MANBA: variants seen among roughly 807,000 people sequenced by gnomAD.
MANBA encodes the protein mannosidase beta.
Under a neutral mutation model 111.1 loss-of-function variants are expected in MANBA, and 83 were observed. The observed-to-expected ratio is 0.75, with a 90% CI of 0.63 to 0.90. The LOEUF is 0.90. MANBA is among the 40% of genes least tolerant of loss of function. The probability of loss-of-function intolerance (pLI) is 0.00; values close to 1 mark genes in which losing one functional copy is unlikely to be tolerated. For synonymous variants in MANBA, 370 were observed against 378.7 expected (o/e 0.98, Z 0.27); for missense variants, 1,036 against 1,069.0 (o/e 0.97, Z 0.43).
At chr4:102,718,525 T>C (rs1560794687) in intron 4 of MANBA, among the ~76,000 whole-genome samples, 1 of 152,126 alleles carries the variant, frequency 6.6e-6, no homozygotes, top group South Asian at 2.1e-4. Context: ...CGGCCAGAGA[T>C]GTAAACGGAA....
intron 5 of MANBA, among the ~76,000 whole-genome samples, chr4:102,699,368 G>A (rs922831961): frequency 6.6e-6 from 1 of 151,754 alleles, no homozygotes; most frequent in African/African-American, 2.4e-5. Context: ...CTGCCTAATT[G>A]CCCTGGCCAG....
chr4:102,648,348 G>A (rs1435488180), intron 13 of MANBA, among the ~76,000 whole-genome samples: 1 of 152,054 alleles, frequency 6.6e-6, no homozygotes, highest in Non-Finnish European at 1.5e-5. Context: ...AGATGAACCT[G>A]ACGAATGGAT....
At chr4:102,646,756 G>A (rs1730122136) in intron 13 of MANBA, among the ~76,000 whole-genome samples, 1 of 152,034 alleles carries the variant, frequency 6.6e-6, no homozygotes, top group Admixed American at 6.6e-5. Context: ...GGGCTATTGG[G>A]AATACAATAT....
intron 14 of MANBA, 120 bp from the exon 15 acceptor site, chr4:102,636,127 T>A: frequency 1.2e-6 from 1 of 861,886 alleles, no homozygotes; most frequent in East Asian, 2.6e-5. Flanking sequence ...TGAGGGAGAG[T>A]CAACAGTGGA....
intron 4 of MANBA, among the ~76,000 whole-genome samples, chr4:102,719,045 C>T (rs895414013): frequency 3.9e-5 from 6 of 152,126 alleles, no homozygotes; most frequent in Non-Finnish European, 8.8e-5. Context: ...AAACAGGGTT[C>T]GAGAGCAGAG....
At chr4:102,721,809 C>T (rs570457070) in intron 4 of MANBA, among the ~76,000 whole-genome samples, 5 of 152,106 alleles carry the variant, frequency 3.3e-5, no homozygotes, top group Admixed American at 6.5e-5. Context: ...GGGCAGATTG[C>T]TTGAGCCTTA....
intron 1 of MANBA, chr4:102,729,824 G>T: frequency 7.8e-7 from 1 of 1,277,532 alleles, no homozygotes; most frequent in Non-Finnish European, 1.1e-6. Context: ...CCAGCATCTT[G>T]TTCTACTGCT....
chr4:102,689,655 A>C lies in MANBA; in HGVS notation c.879T>G (p.His293Gln). ...KNITVETWWP[H>Q]GHGNQTGYNM... The stretch of plus-strand genomic sequence containing the variant: ...TGTACCCAGTCTGGTTTCCATGTCC[A>C]TGAGGCCACCAAGTTTCTACAGTAA... Residue 293 changes from histidine (H) to glutamine (Q), a missense_variant, in exon 7 of 17, where the codon CAT becomes CAG. Coordinates refer to ENST00000647097, the MANE Select transcript of MANBA (RefSeq NM_005908.4). 6.2e-7 allele frequency: 1 copy of C among 1,608,060 alleles called. No individual in the cohort carries two copies. Among genetic ancestry groups the C allele is most frequent in the Non-Finnish European group, 8.5e-7 (1 of 1,174,740 alleles).
In MANBA at chr4:102,639,842, A is replaced by C. The variant is rs1472647180; in HGVS notation, c.1885T>G (p.Cys629Gly). Residue 629 changes from cysteine to glycine, a missense_variant, in exon 14 of 17, where the codon TGT (cysteine) becomes GGT (glycine). Transcript: ENST00000647097. ...TAGAATTCAGTTTCTGTTTTGACAC[A>C]CTGGGCCTGCATCACCTGATTCAGG... ...IYLTQVMQAQCVKTETEFYRR... is the reference protein window; with the variant it reads ...IYLTQVMQAQGVKTETEFYRR... 6.2e-7 allele frequency: 1 copy of C among 1,613,944 alleles called. No homozygotes were observed. Among genetic ancestry groups the C allele is most frequent in the Non-Finnish European group, 8.5e-7 (1 of 1,179,996 alleles).
chr4:102,694,464 T>TA (rs1732619221), intron 5 of MANBA, among the ~76,000 whole-genome samples: 1 of 152,198 alleles, frequency 6.6e-6, no homozygotes, highest in Admixed American at 6.5e-5. Context: ...TGCATAATCC[T>TA]ATTTGTAGTT....
intron 16 of MANBA, among the ~76,000 whole-genome samples, chr4:102,632,507 C>T (rs1729434139): frequency 6.6e-6 from 1 of 152,332 alleles, no homozygotes; most frequent in Non-Finnish European, 1.5e-5. Flanking sequence ...GGAAATACAT[C>T]GTCTCCAATC....
At chr4:102,758,912 C>T (rs1286055646) in intron 1 of MANBA, among the ~76,000 whole-genome samples, 2 of 152,040 alleles carry the variant, frequency 1.3e-5, no homozygotes, top group African/African-American at 4.8e-5. Context: ...CCCATGGCCA[C>T]CTGATTGAAA....
intron 10 of MANBA, chr4:102,666,162 G>A (rs1298289191): frequency 6.6e-6 from 1 of 152,222 alleles, no homozygotes; most frequent in African/African-American, 2.4e-5. Context: ...CTGACTTAGA[G>A]TTTTATGGTA....
At chr4:102,656,010 T>A (rs1291237129) in intron 12 of MANBA, among the ~76,000 whole-genome samples, 1 of 152,186 alleles carries the variant, frequency 6.6e-6, no homozygotes, top group Non-Finnish European at 1.5e-5. Flanking sequence ...CCCAGCACTT[T>A]GGGAGCCCGA....
At chr4:102,690,386 T>A (rs1045979745) in intron 6 of MANBA, among the ~76,000 whole-genome samples, 1 of 152,126 alleles carries the variant, frequency 6.6e-6, no homozygotes, top group Non-Finnish European at 1.5e-5. Flanking sequence ...AATAATATAT[T>A]CTCTATTTTC....
chr4:102,705,914 A>G (rs1179115577), intron 5 of MANBA, among the ~76,000 whole-genome samples: 1 of 152,150 alleles, frequency 6.6e-6, no homozygotes, highest in Non-Finnish European at 1.5e-5. Flanking sequence ...CACAGCTAAC[A>G]TCTGCCTGCA....
At position 102,631,106 on chromosome 4, in the gene MANBA, T is replaced by TGTGTGTGTGTG. The variant is rs1560734265; in HGVS notation, c.*950_*951insCACACACACAC. ...GTCCCCTTATCCCCTTGATAAGGCTTTGTGTGTGTGTGTGTGTGTGTGTGT... is the reference window on the plus strand; with the variant it reads ...GTCCCCTTATCCCCTTGATAAGGCTTGTGTGTGTGTGTGTGTGTGTGTGTGTGTGTGTGTGT... On this transcript the variant is annotated 3_prime_UTR_variant, in exon 17 of 17. Transcript: ENST00000647097. 1 of 73,094 alleles carries TGTGTGTGTGTG rather than the reference T, an allele frequency of 1.4e-5. No individual in the cohort carries two copies. The highest frequency in any genetic ancestry group is 4.3e-5 in the African/African-American group (1 of 23,132). The allele number at this position is 73,094 out of a possible 1,614,324, so 4.5% of individuals were successfully genotyped here. A position where few individuals can be genotyped will look rare whatever the true frequency, so the allele number is the denominator to read the frequency against.
intron 1 of MANBA, chr4:102,728,054 G>C (rs1024621307): frequency 2.1e-5 from 11 of 514,028 alleles, no homozygotes; most frequent in Non-Finnish European, 4.3e-5. Flanking sequence ...TTTTGCAGGG[G>C]TGGAGATAGA....
Position 102,657,222 on chromosome 4 carries a change from T to TTTGG in MANBA, c.1704+459_1704+460insCCAA, listed in dbSNP as rs10629916. 1.7e-4 allele frequency among the ~76,000 whole-genome samples: 9 copies of TTTGG among 52,238 alleles called. No homozygotes were observed. In the Admixed American group the frequency reaches 2.0e-3, roughly 11 times the overall value. 34.3% of individuals were successfully genotyped at this position (52,238 alleles called of 152,430 possible). A position where few individuals can be genotyped will look rare whatever the true frequency, so the allele number is the denominator to read the frequency against. On this transcript the variant is annotated intron_variant, in intron 12 of 16. Transcript: ENST00000647097. ...AAAAGAGGGAGAGAGAGGAGTGGGG[T>TTTGG]GGGGGGGGGGTGGGCGGTGGTAATG... is the stretch of plus-strand genomic sequence containing the variant.
Sources: allele counts gnomAD v4.1 joint callset (sites outside exome capture counted in the v4.1 genomes callset), GRCh38; gene constraint gnomAD v4.1.1; transcripts MANE v1.5; gene names NCBI Gene and HGNC (gene_info 2026-07-23, HGNC 2026-07-21).